The following PCDHGA1 variants were observed in gnomAD, a reference collection of about 807,000 sequenced individuals.
The protein encoded by PCDHGA1 is protocadherin gamma subfamily A, 1, also known as protocadherin gamma-A1.
Under a neutral mutation model 58.0 loss-of-function variants are expected in PCDHGA1, and 32 were observed. That is an observed-to-expected ratio of 0.55 (90% CI 0.42 to 0.74). The LOEUF (loss-of-function observed/expected upper bound fraction) is 0.74, where lower values mean the gene tolerates loss of function less well. Ranked by LOEUF, PCDHGA1 falls within the 30% of genes least tolerant of loss-of-function variation. The pLI is 0.00. For synonymous variants in PCDHGA1, 498 were observed against 501.1 expected, an observed-to-expected ratio of 0.99 and a Z score of 0.08; for missense variants, 1,205 against 1,182.3, an observed-to-expected ratio of 1.02 and a Z score of -0.28.
intron 1 of PCDHGA1, chr5:141,393,700 A>T: frequency 6.2e-7 from 1 of 1,613,934 alleles, no homozygotes; most frequent in Non-Finnish European, 8.5e-7. Context: ...CAGCTTAATG[A>T]AAATACTGGG....
rs2099411033 is a variant in PCDHGA1, at chr5:141,477,423, C to T, written c.2422-17384C>T. ...ACCGCCCGAGACGCCGGAACCCCTT[C>T]CCTCTCAGCCCTTACAATAGTGCGT... On this transcript the variant is annotated intron_variant, in intron 1 of 3. Coordinates refer to ENST00000517417, the MANE Select transcript of PCDHGA1 (RefSeq NM_018912.3). This position sits in a 1 kb window ranked among gnomAD's most constrained non-coding sequence, Gnocchi z 4.9. 1.9e-6 allele frequency: 3 copies of T among 1,614,196 alleles called. No individual in the cohort carries two copies. The highest frequency in any genetic ancestry group is 2.2e-5 in the East Asian group (1 of 44,882).
Position 141,477,209 on chromosome 5 carries a change from G to A in PCDHGA1, c.2422-17598G>A. ...CGTGTACAGCCCAGTACCCGAGGAT[G>A]CCCCTCTGGGGACTGTCATCGCTTT... is the stretch of plus-strand genomic sequence containing the variant. On this transcript the variant is annotated intron_variant, in intron 1 of 3. Coordinates refer to ENST00000517417, the MANE Select transcript of PCDHGA1 (RefSeq NM_018912.3). This position sits in a 1 kb window ranked among gnomAD's most constrained non-coding sequence, Gnocchi z 4.9. The A allele has an allele frequency of 6.2e-7, 1 of 1,614,194 alleles. No homozygotes were observed.
intron 1 of PCDHGA1, among the ~76,000 whole-genome samples, chr5:141,473,583 A>G (rs905824343): frequency 6.6e-6 from 1 of 152,226 alleles, no homozygotes; most frequent in Non-Finnish European, 1.5e-5. Flanking sequence ...CTAAGACCAG[A>G]CAGACCTGTA....
intron 1 of PCDHGA1, among the ~76,000 whole-genome samples, chr5:141,483,679 CAGAA>C (rs1470395939): frequency 6.7e-6 from 1 of 149,028 alleles, no homozygotes; most frequent in Non-Finnish European, 1.5e-5. Flanking sequence ...TAAAAGAACA[CAGAA>C]AGCCAGATTC....
chr5:141,422,018 T>C, intron 1 of PCDHGA1: 1 of 1,610,840 alleles, frequency 6.2e-7, no homozygotes, highest in Non-Finnish European at 8.5e-7. Context: ...CGGGTGCTGA[T>C]GGTTAATGCA....
intron 1 of PCDHGA1, chr5:141,357,532 A>G (rs1473543318): frequency 3.1e-6 from 5 of 1,614,096 alleles, no homozygotes; most frequent in Non-Finnish European, 4.2e-6. Context: ...CTATGCAGAC[A>G]CGCTCATCAG....
intron 1 of PCDHGA1, chr5:141,422,641 A>G (rs557969590): frequency 1.2e-6 from 2 of 1,612,356 alleles, no homozygotes; most frequent in Admixed American, 1.7e-5. Context: ...GGGTGCCTCC[A>G]TCTTCTCAGT....
At chr5:141,418,742 G>GA in intron 1 of PCDHGA1, 1 of 1,613,896 alleles carries the variant, frequency 6.2e-7, no homozygotes, top group Non-Finnish European at 8.5e-7. Flanking sequence ...GTTCTCTCTG[G>GA]ATTACACTAC....
chr5:141,402,954 T>C, intron 1 of PCDHGA1: 3 of 1,601,320 alleles, frequency 1.9e-6, no homozygotes, highest in Non-Finnish European at 2.6e-6. Context: ...GAGGCAGCAA[T>C]GGCAGCTCCA....
Position 141,485,538 on chromosome 5 carries a change from A to T in PCDHGA1, c.2422-9269A>T. ...TTGGAAATGTACCGAGCAGAGGTAG[A>T]GATCGTAGATGTGAATGATCACGCC... On this transcript the variant is annotated intron_variant, in intron 1 of 3. Transcript: ENST00000517417. The surrounding 1 kb of genome is among the most constrained non-coding windows in gnomAD (Gnocchi z 5.7). The T allele has an allele frequency of 6.2e-7, 1 of 1,614,162 alleles. No individual in the cohort carries two copies. Among genetic ancestry groups the T allele is most frequent in the Admixed American group, 1.7e-5 (1 of 60,012 alleles).
chr5:141,497,191 A>G (rs2099774633), intron 2 of PCDHGA1, among the ~76,000 whole-genome samples: 1 of 126,864 alleles, frequency 7.9e-6, no homozygotes, highest in Admixed American at 8.3e-5. Context: ...TGAGAGGCAG[A>G]GAACAATGTG....
At chr5:141,398,709 G>A (rs1202607096) in intron 1 of PCDHGA1, 1 of 1,613,714 alleles carries the variant, frequency 6.2e-7, no homozygotes, top group Non-Finnish European at 8.5e-7. Context: ...ACCCGGAACT[G>A]GCACTGGAGA....
At chr5:141,422,862 C>T in intron 1 of PCDHGA1, 1 of 1,614,270 alleles carries the variant, frequency 6.2e-7, no homozygotes, top group Non-Finnish European at 8.5e-7. Flanking sequence ...CCCTCAGCAG[C>T]AACGTGTCGC....
At chr5:141,404,877 T>C in intron 1 of PCDHGA1, 1 of 1,613,856 alleles carries the variant, frequency 6.2e-7, no homozygotes, top group East Asian at 2.2e-5. Flanking sequence ...AAACAGAGCC[T>C]TGTGGTGGCT....
intron 1 of PCDHGA1, among the ~76,000 whole-genome samples, chr5:141,402,771 G>A (rs2094306356): frequency 6.6e-6 from 1 of 152,218 alleles, no homozygotes; most frequent in African/African-American, 2.4e-5. Context: ...ACTCCATCCG[G>A]ATTTCCAGTT....
At chr5:141,470,858 TTTTG>T (rs775688955) in intron 1 of PCDHGA1, among the ~76,000 whole-genome samples, 79 of 151,956 alleles carry the variant, frequency 5.2e-4, no homozygotes, top group Non-Finnish European at 3.5e-4. Context: ...CAGATAAGTT[TTTTG>T]TTTGTTTGTT....
chr5:141,440,328 T>G (rs1311315077), intron 1 of PCDHGA1: 1 of 152,102 alleles, frequency 6.6e-6, no homozygotes. Context: ...TTACTGGGCA[T>G]GGTGGTGCAG....
At chr5:141,361,920 C>A (rs756760762) in intron 1 of PCDHGA1, 5 of 1,607,942 alleles carry the variant, frequency 3.1e-6, no homozygotes. Flanking sequence ...TGGCGGTGGA[C>A]GCAGACTCAG....
intron 1 of PCDHGA1, among the ~76,000 whole-genome samples, chr5:141,443,832 A>G (rs2098407108): frequency 6.6e-6 from 1 of 152,224 alleles, no homozygotes; most frequent in African/African-American, 2.4e-5. Context: ...ATTAGGTAAA[A>G]TGGGTAATAT....
Sources: gnomAD v4.1 joint callset for allele counts (sites outside exome capture counted in the v4.1 genomes callset) on GRCh38, gnomAD v4.1.1 for gene constraint, Gnocchi (gnomAD v3.1) non-coding constraint, MANE v1.5 for transcripts, NCBI Gene and HGNC (gene_info 2026-07-23, HGNC 2026-07-21) for gene names.